ARSG: variants seen among roughly 807,000 people sequenced by gnomAD.
The protein encoded by ARSG is ASG.
A neutral mutation model predicts 50.5 loss-of-function variants in ARSG; 37 were observed. The observed-to-expected ratio is 0.73, with a 90% CI of 0.56 to 0.96. The LOEUF is 0.96. Ranked by LOEUF, ARSG falls within the 50% of genes least tolerant of loss-of-function variation. The pLI is 0.00. For missense variants in ARSG, 629 were observed against 675.3 expected (o/e 0.93, Z 0.76); for synonymous variants, 225 against 254.6 (o/e 0.88, Z 1.11).
chr17:68,328,671 G>A (rs2077599857), intron 2 of ARSG, among the ~76,000 whole-genome samples: 1 of 152,204 alleles, frequency 6.6e-6, no homozygotes. Flanking sequence ...GGTTTGAGAT[G>A]GCAGGTGATA....
chr17:68,288,060 G>A (rs143119528), upstream of ARSG, among the ~76,000 whole-genome samples: 989 of 148,588 alleles, frequency 6.7e-3, 7 homozygotes, highest in African/African-American at 0.023. Flanking sequence ...ACAGTGGTGC[G>A]ATCTCAGCCC....
chr17:68,424,704 C>A (rs150043536), downstream of ARSG, among the ~76,000 whole-genome samples: 1,294 of 152,206 alleles, frequency 8.5e-3, 22 homozygotes, highest in African/African-American at 0.03. Flanking sequence ...GGTGAAACCC[C>A]GTCTCTACTA....
At chr17:68,356,853 C>A in intron 6 of ARSG, 49 bp downstream of exon 6, 1 of 1,611,358 alleles carries the variant, frequency 6.2e-7, no homozygotes, top group Non-Finnish European at 8.5e-7. Context: ...CTCCACCTAC[C>A]CGTGCACACA....
upstream of ARSG, among the ~76,000 whole-genome samples, chr17:68,288,883 G>A (rs1383634346): frequency 1.3e-5 from 2 of 152,148 alleles, no homozygotes; most frequent in African/African-American, 2.4e-5. Context: ...GGGTTGTCAG[G>A]GGAGTCTCTC....
At chr17:68,268,360 T>G (rs2075218407) in intron 1 of ARSG, 1 of 152,464 alleles carries the variant, frequency 6.6e-6, no homozygotes, top group Admixed American at 6.6e-5. Flanking sequence ...TATTCTGTAC[T>G]GAAACACTTC....
At position 68,309,556 on chromosome 17, in the gene ARSG, CTCTG is replaced by C. The variant is rs1344549075; in HGVS notation, c.218+1849_218+1852del. 2.0e-5 allele frequency among the ~76,000 whole-genome samples: 3 copies of C among 152,192 alleles called. No homozygotes were observed. In the East Asian group the frequency reaches 5.8e-4, roughly 29 times the overall value. On this transcript the variant is annotated intron_variant, in intron 2 of 11. Coordinates refer to ENST00000621439, the MANE Select transcript of ARSG (RefSeq NM_001267727.2). ...CTCCAGTGTGGGTCACAGAGCGAGA[CTCTG>C]TCTCTTAAAAAATAAGTAAATAGGC...
intron 1 of ARSG, among the ~76,000 whole-genome samples, chr17:68,306,292 G>A (rs541093775): frequency 8.5e-5 from 13 of 152,148 alleles, no homozygotes; most frequent in East Asian, 1.9e-4. Flanking sequence ...GTGAACCACC[G>A]CTCCCTGCGA....
chr17:68,351,989 C>T (rs565467234), intron 5 of ARSG, among the ~76,000 whole-genome samples: 148 of 152,016 alleles, frequency 9.7e-4, no homozygotes, highest in South Asian at 5.2e-3. Context: ...CCTCCTCTGC[C>T]TGCTGTCTTT....
chr17:68,406,925 T>C (rs1238661983), intron 11 of ARSG, among the ~76,000 whole-genome samples: 1 of 152,252 alleles, frequency 6.6e-6, no homozygotes, highest in Non-Finnish European at 1.5e-5. Flanking sequence ...TTTGGGTTCT[T>C]GTTCATGAAA....
At chr17:68,432,962 T>C in the ARSG span, among the ~76,000 whole-genome samples, 1 of 152,366 alleles carries the variant, frequency 6.6e-6, no homozygotes, top group East Asian at 1.9e-4. Flanking sequence ...TATCCATTTT[T>C]TAGGCTTTTC....
intron 1 of ARSG, chr17:68,272,555 C>T (rs1599499860): frequency 2.0e-6 from 3 of 1,508,978 alleles, no homozygotes; most frequent in Non-Finnish European, 2.7e-6. Flanking sequence ...GTCATCCATA[C>T]TGTTGGCAAA....
intron 1 of ARSG, among the ~76,000 whole-genome samples, chr17:68,284,385 C>A (rs571844499): frequency 6.6e-6 from 1 of 152,068 alleles, no homozygotes; most frequent in African/African-American, 2.4e-5. Context: ...CAGAGCAAGA[C>A]TCTGTCTAAA....
At chr17:68,422,718 G>GTCTCA (rs2082882126), downstream of ARSG, 1 of 108,708 alleles carries the variant, frequency 9.2e-6, no homozygotes, top group Non-Finnish European at 1.7e-5. Context: ...GACAGAGTGA[G>GTCTCA]ACTCTATCAT....
chr17:68,370,594 C>T (rs2079788916), intron 8 of ARSG, 70 bp downstream of exon 8: 2 of 1,444,728 alleles, frequency 1.4e-6, no homozygotes, highest in Admixed American at 1.8e-5. Flanking sequence ...TGGGATTCTG[C>T]CTCCGGGTGG....
chr17:68,284,323 G>A (rs1381025691), intron 1 of ARSG, among the ~76,000 whole-genome samples: 2 of 152,088 alleles, frequency 1.3e-5, no homozygotes, highest in African/African-American at 4.8e-5. Flanking sequence ...GAACCCGGGA[G>A]GCAGAGGTTG....
chr17:68,305,249 C>T (rs1555763606), intron 1 of ARSG, among the ~76,000 whole-genome samples: 1 of 152,164 alleles, frequency 6.6e-6, no homozygotes, highest in Non-Finnish European at 1.5e-5. Context: ...TAAAGTATAA[C>T]CTTCAATTCC....
upstream of ARSG, among the ~76,000 whole-genome samples, chr17:68,289,816 A>G (rs1403200805): frequency 2.0e-5 from 3 of 152,168 alleles, no homozygotes; most frequent in Non-Finnish European, 4.4e-5. Context: ...ACAGAAGGAA[A>G]ACTCAGGGTT....
At chr17:68,377,967 C>T (rs2080233097) in intron 8 of ARSG, among the ~76,000 whole-genome samples, 1 of 152,210 alleles carries the variant, frequency 6.6e-6, no homozygotes, top group Non-Finnish European at 1.5e-5. Context: ...GCCTGAAAGG[C>T]TGCTGCCTGG....
chr17:68,408,230 C>T (rs1415683325), intron 11 of ARSG, among the ~76,000 whole-genome samples: 21 of 150,872 alleles, frequency 1.4e-4, no homozygotes. Context: ...CCCATTAACT[C>T]GTCATCTAGC....
Sources: gnomAD v4.1 joint callset for allele counts (sites outside exome capture counted in the v4.1 genomes callset) on GRCh38, gnomAD v4.1.1 for gene constraint, MANE v1.5 for transcripts, NCBI Gene and HGNC (gene_info 2026-07-23, HGNC 2026-07-21) for gene names.